Variants in LCTL observed in about 807,000 individuals in gnomAD.
LCTL encodes lactase-like protein.
Under a neutral mutation model 75.8 loss-of-function variants are expected in LCTL, and 76 were observed. The ratio of observed to expected loss-of-function variants is 1.00; its 90% CI spans 0.83 to 1.21. LCTL has a LOEUF of 1.21. Ranked by LOEUF, LCTL falls within the 50% of genes most tolerant of loss-of-function variation. LCTL has a pLI of 0.00. For synonymous variants in LCTL, 271 were observed against 268.8 expected (o/e 1.01, Z -0.08); for missense variants, 670 against 712.4 (o/e 0.94, Z 0.68).
chr15:66,552,099 A>G, exon 10 of LCTL: 1 of 1,611,402 alleles, frequency 6.2e-7, no homozygotes, highest in Non-Finnish European at 8.5e-7. Flanking sequence ...CTCATCACAT[A>G]ATTGAGTACA....
Position 66,552,983 on chromosome 15 carries a change from C to T in LCTL, c.1197+1G>A. 6.9e-7 allele frequency: 1 copy of T among 1,442,418 alleles called. No homozygotes were observed. Among genetic ancestry groups the T allele is most frequent in the Non-Finnish European group, 9.1e-7 (1 of 1,094,826 alleles). The allele number at this position is 1,442,418 out of a possible 1,614,324, so 89.4% of individuals were successfully genotyped here. On this transcript the variant is annotated splice_donor_variant, in intron 9 of 12. Transcript: ENST00000341509. LOFTEE classifies it high-confidence loss of function. Reference sequence around the variant, plus strand: ...TTTGAATAGCTGAATGTGATAATCACCTGAGCAAAGTTAAGGAGCCTCCTA... The same window carrying T: ...TTTGAATAGCTGAATGTGATAATCATCTGAGCAAAGTTAAGGAGCCTCCTA...
intron 2 of LCTL, 199 bp downstream of exon 3, chr15:66,564,477 A>C (rs1460748930): frequency 1.7e-6 from 1 of 592,964 alleles, no homozygotes; most frequent in Non-Finnish European, 2.9e-6. Context: ...TCCACCTCAC[A>C]TCCTGGCCCC....
intron 9 of LCTL, 87 bp from the exon 11 acceptor site, chr15:66,552,256 T>G: frequency 9.5e-7 from 1 of 1,054,824 alleles, no homozygotes; most frequent in South Asian, 1.6e-5. Flanking sequence ...GGAACACATA[T>G]TCAAGCCTGC....
At chr15:66,550,850 A>G (rs1298027281) in intron 11 of LCTL, among the ~76,000 whole-genome samples, 1 of 152,110 alleles carries the variant, frequency 6.6e-6, no homozygotes, top group Non-Finnish European at 1.5e-5. Flanking sequence ...GCTGCTAGAA[A>G]AGTTTTCAGG....
chr15:66,558,759 A>G (rs1434624281), intron 6 of LCTL, among the ~76,000 whole-genome samples: 1 of 149,096 alleles, frequency 6.7e-6, no homozygotes, highest in African/African-American at 2.5e-5. Context: ...GCAGTGGTAC[A>G]ATCTTGGCTC....
At chr15:66,549,892 T>G in intron 12 of LCTL, 149 bp downstream of exon 13, 1 of 485,816 alleles carries the variant, frequency 2.1e-6, no homozygotes, top group Admixed American at 4.0e-5. Flanking sequence ...AAATAGAAAT[T>G]TGACATTGCT....
exon 4 of LCTL, chr15:66,563,561 G>C: frequency 1.9e-6 from 3 of 1,612,632 alleles, no homozygotes; most frequent in South Asian, 1.1e-5. Flanking sequence ...GAGTGATGTT[G>C]CTGCTCAGAA....
At chr15:66,555,097 A>C (rs1033189017) in intron 8 of LCTL, among the ~76,000 whole-genome samples, 18 of 152,316 alleles carry the variant, frequency 1.2e-4, no homozygotes, top group Middle Eastern at 3.4e-3. Flanking sequence ...AGATAAAATG[A>C]ATACAAAGTT....
At chr15:66,556,914 A>G (rs1895754647) in intron 8 of LCTL, among the ~76,000 whole-genome samples, 1 of 151,462 alleles carries the variant, frequency 6.6e-6, no homozygotes. Context: ...GGTACATTTT[A>G]TGTGTATTTT....
chr15:66,552,734 T>C (rs972210689), intron 9 of LCTL, among the ~76,000 whole-genome samples: 25 of 150,258 alleles, frequency 1.7e-4, no homozygotes, highest in African/African-American at 6.1e-4. Flanking sequence ...CTTTGCCACA[T>C]ATTCCAGTTT....
chr15:66,549,694 A>G (rs1895524336), intron 12 of LCTL: 1 of 168,746 alleles, frequency 5.9e-6, no homozygotes, highest in Non-Finnish European at 1.3e-5. Flanking sequence ...TAAGATCTCA[A>G]GTATTCTTTT....
Position 66,560,920 on chromosome 15 carries a change from G to A in LCTL, c.705+86C>T, listed in dbSNP as rs565756777. 1.1e-4 allele frequency: 130 copies of A among 1,163,284 alleles called. 1 individual carries two copies. The highest frequency in any genetic ancestry group is 4.8e-4 in the Admixed American group (25 of 52,314). 72.1% of individuals were successfully genotyped at this position (1,163,284 alleles called of 1,614,324 possible). On this transcript the variant is annotated intron_variant, in intron 6 of 12. Coordinates refer to ENST00000341509, the Ensembl canonical transcript of LCTL. ...GAGTATGCTGACTCGGAGGTGGAGC[G>A]GCAGAGGACCAAGCTCAGGCTAGAG... is the stretch of plus-strand genomic sequence containing the variant.
At position 66,558,687 on chromosome 15, in the gene LCTL, GTTTT is replaced by G. The variant is rs11354993; in HGVS notation, c.706-655_706-652del. Among the ~76,000 whole-genome samples, 890 of 97,522 alleles carry G rather than the reference GTTTT, an allele frequency of 9.1e-3. 1 individual carries two copies. Among genetic ancestry groups the G allele is most frequent in the African/African-American group, 0.017 (412 of 24,676 alleles). The allele number at this position is 97,522 out of a possible 152,430, so 64.0% of individuals were successfully genotyped here. On this transcript the variant is annotated intron_variant, in intron 6 of 12. Coordinates refer to ENST00000341509, the Ensembl canonical transcript of LCTL. ...GTGGTTTTTGTGTGTGTGTGTGTGT[GTTTT>G]TTTTTTTTTTTTTTTTTATCTTGAG...
intron 4 of LCTL, among the ~76,000 whole-genome samples, chr15:66,562,408 A>C (rs1034513580): frequency 2.0e-5 from 3 of 151,918 alleles, no homozygotes; most frequent in African/African-American, 7.3e-5. Context: ...ATCTCAAAAA[A>C]AAAAAAAAAC....
chr15:66,560,975 G>T (rs746587638), intron 6 of LCTL, 31 bp downstream of exon 7: 2 of 1,606,002 alleles, frequency 1.2e-6, no homozygotes, highest in Non-Finnish European at 1.7e-6. Flanking sequence ...TGACCCTGAG[G>T]CTGTTCCTCC....
chr15:66,547,709 T>G (rs1166109428), exon 13 of LCTL: 1 of 152,130 alleles, frequency 6.6e-6, no homozygotes, highest in Non-Finnish European at 1.5e-5. Context: ...ACGTGCTCAT[T>G]TACTTGGTAC....
chr15:66,551,943 A>C, intron 10 of LCTL, 82 bp from the exon 12 acceptor site: 1 of 1,533,402 alleles, frequency 6.5e-7, no homozygotes, highest in Middle Eastern at 2.3e-4. Flanking sequence ...AAATGTTTTC[A>C]TTTATGAGAT....
rs1297102198 is a variant in LCTL at position 66,563,668 on chromosome 15, G to A, written c.371-43C>T. The A allele has an allele frequency of 4.3e-6, 6 of 1,389,882 alleles. No individual in the cohort carries two copies. The South Asian group carries it at 7.2e-5, about 17-fold the overall frequency. 86.1% of individuals were successfully genotyped at this position (1,389,882 alleles called of 1,614,324 possible). The stretch of plus-strand genomic sequence containing the variant: ...GAAGATGCTACCAGAAAGGACCTCG[G>A]CCTTGGCCTTGGCCTTCTGGAGTGC... On this transcript the variant is annotated intron_variant, in intron 3 of 12. Coordinates refer to ENST00000341509, the Ensembl canonical transcript of LCTL.
In LCTL at chr15:66,548,208, A is replaced by G. The variant is rs375651291; in HGVS notation, c.*282T>C. ...ATCAAGTCACAACAGTTTGTATACTATGATGCCATTTTTGTAAATAATTCA... is the reference window on the plus strand; with the variant it reads ...ATCAAGTCACAACAGTTTGTATACTGTGATGCCATTTTTGTAAATAATTCA... On this transcript the variant is annotated 3_prime_UTR_variant, in exon 13 of 13. Coordinates refer to ENST00000341509, the Ensembl canonical transcript of LCTL. The G allele has an allele frequency of 9.4e-5, 22 of 234,488 alleles. No homozygotes were observed. In the East Asian group the frequency reaches 1.1e-3, roughly 11 times the overall value. The allele number at this position is 234,488 out of a possible 1,614,324, so 14.5% of individuals were successfully genotyped here. A position where few individuals can be genotyped will look rare whatever the true frequency, so the allele number is the denominator to read the frequency against.
Sources: gnomAD v4.1 joint callset for allele counts (sites outside exome capture counted in the v4.1 genomes callset) on GRCh38, gnomAD v4.1.1 for gene constraint, MANE v1.5 for transcripts, NCBI Gene and HGNC (gene_info 2026-07-23, HGNC 2026-07-21) for gene names.